Variants in OPRM1 observed in about 807,000 individuals in gnomAD.
OPRM1 encodes the protein mu-type opioid receptor.
Under a neutral mutation model 31.8 loss-of-function variants are expected in OPRM1, and 27 were observed. The ratio of observed to expected loss-of-function variants is 0.85; its 90% CI spans 0.63 to 1.17. OPRM1 has a LOEUF of 1.17. Ranked by LOEUF, OPRM1 falls within the 50% of genes most tolerant of loss-of-function variation. The pLI, the probability that OPRM1 is intolerant of heterozygous loss-of-function variation, is 0.00. For synonymous variants in OPRM1, 196 were observed against 189.9 expected, an observed-to-expected ratio of 1.03 and a Z score of -0.26; for missense variants, 536 against 511.1, an observed-to-expected ratio of 1.05 and a Z score of -0.47.
chr6:154,086,750 G>A (rs2128477496), intron 1 of OPRM1: 3 of 985,364 alleles, frequency 3.0e-6, no homozygotes, highest in Non-Finnish European at 3.6e-6. Context: ...TTAAAGATAA[G>A]CCACGAAATG....
At chr6:154,087,534 C>T (rs1264825932) in intron 1 of OPRM1, 1 of 985,382 alleles carries the variant, frequency 1.0e-6, no homozygotes, top group Non-Finnish European at 1.2e-6. Flanking sequence ...GGTCCATTTT[C>T]AGACAAGCTC....
At chr6:154,192,821 G>A (rs924629281) in intron 3 of OPRM1, among the ~76,000 whole-genome samples, 1 of 152,152 alleles carries the variant, frequency 6.6e-6, no homozygotes, top group Non-Finnish European at 1.5e-5. Flanking sequence ...AAACCATAAT[G>A]TGATACCACC....
At chr6:154,234,725 G>A (rs1418766279) in intron 3 of OPRM1, among the ~76,000 whole-genome samples, 1 of 152,200 alleles carries the variant, frequency 6.6e-6, no homozygotes, top group Non-Finnish European at 1.5e-5. Context: ...AAGAGGGAAA[G>A]GGCTCTGAAG....
intron 3 of OPRM1, among the ~76,000 whole-genome samples, chr6:154,094,612 G>T (rs1180289504): frequency 6.6e-6 from 1 of 152,158 alleles, no homozygotes; most frequent in Non-Finnish European, 1.5e-5. Flanking sequence ...GCTCCACATG[G>T]ACTCTTACCG....
chr6:154,053,218 G>C (rs550251832), intron 1 of OPRM1, among the ~76,000 whole-genome samples: 2 of 152,098 alleles, frequency 1.3e-5, no homozygotes, highest in Admixed American at 1.3e-4. Flanking sequence ...CAGTATTTTC[G>C]TCTTCAATCT....
At chr6:154,022,315 A>G (rs1778423260) in intron 1 of OPRM1, among the ~76,000 whole-genome samples, 1 of 151,990 alleles carries the variant, frequency 6.6e-6, no homozygotes, top group Non-Finnish European at 1.5e-5. Context: ...CCTCTGATGA[A>G]TCTCCTGTGA....
chr6:154,214,890 T>C (rs994669253), intron 3 of OPRM1, among the ~76,000 whole-genome samples: 7 of 152,136 alleles, frequency 4.6e-5, no homozygotes, highest in Admixed American at 1.3e-4. Flanking sequence ...ATAACAAAAA[T>C]AGAACGAGAC....
chr6:154,041,304 G>A (rs1780007819), intron 1 of OPRM1, among the ~76,000 whole-genome samples: 1 of 152,138 alleles, frequency 6.6e-6, no homozygotes, highest in African/African-American at 2.4e-5. Context: ...AAGGAAAAAT[G>A]CAAGAAGATC....
chr6:154,160,566 G>A lies in OPRM1; in HGVS notation c.1164+69094G>A, dbSNP rs137950689. On this transcript the variant is annotated intron_variant, in intron 3 of 3. Coordinates refer to the OPRM1 transcript ENST00000337049. ...AGATTATCTTTTCAGTCAAAGAAGA[G>A]GCTACTAACCTTCCATCAAAACAGT... Among the ~76,000 whole-genome samples, 7 of 152,194 alleles carry A rather than the reference G, an allele frequency of 4.6e-5. No homozygotes were observed. The East Asian group carries it at 9.6e-4, about 21-fold the overall frequency.
At chr6:154,244,301 G>GGTGTGTGTGTGTGTGTGTGTGGGTGT (rs1780850347) in intron 3 of OPRM1, among the ~76,000 whole-genome samples, 1 of 147,960 alleles carries the variant, frequency 6.8e-6, no homozygotes, top group East Asian at 2.0e-4. Context: ...TGTGTGGGTG[G>GGTGTGTGTGTGTGTGTGTGTGGGTGT]GTGTGTGTGT....
intron 1 of OPRM1, among the ~76,000 whole-genome samples, chr6:154,082,751 CA>C (rs1789462022): frequency 6.6e-6 from 1 of 152,094 alleles, no homozygotes; most frequent in South Asian, 2.1e-4. Context: ...AGAATAAAAG[CA>C]AAGCAGTATT....
At chr6:154,110,386 T>G (rs1419884781) in intron 3 of OPRM1, 1 of 1,504,856 alleles carries the variant, frequency 6.6e-7, no homozygotes, top group East Asian at 2.5e-5. Context: ...TCATCTTTAC[T>G]CAACTGTGAG....
At chr6:154,145,401 G>T (rs1250589039) in intron 3 of OPRM1, among the ~76,000 whole-genome samples, 1 of 152,196 alleles carries the variant, frequency 6.6e-6, no homozygotes, top group Non-Finnish European at 1.5e-5. Context: ...AATATACAAT[G>T]CCATTTACAA....
At chr6:154,219,737 G>A (rs1778701405) in intron 3 of OPRM1, among the ~76,000 whole-genome samples, 1 of 151,988 alleles carries the variant, frequency 6.6e-6, no homozygotes, top group East Asian at 1.9e-4. Context: ...GAAAACCAAG[G>A]GGATAAAAAA....
intron 1 of OPRM1, 111 bp downstream of exon 1, chr6:154,039,945 T>G: frequency 1.1e-6 from 1 of 933,310 alleles, no homozygotes; most frequent in Non-Finnish European, 1.6e-6. Context: ...AGAGGGGAGG[T>G]AAACTGGGGG....
rs1328756104 is a variant in OPRM1, at chr6:154,123,606, G to T, written c.*4885G>T. ...CAAGGGCTGCTGGTTGGCTATTTTT[G>T]TGGTTATTTCTTGATTATATGCTAA... On this transcript the variant is annotated 3_prime_UTR_variant, in exon 4 of 4. Coordinates refer to ENST00000330432, the MANE Select transcript of OPRM1 (RefSeq NM_000914.5). Among the ~76,000 whole-genome samples, 1 of 152,202 alleles carries T rather than the reference G, an allele frequency of 6.6e-6. No individual in the cohort carries two copies. The highest frequency in any genetic ancestry group is 1.9e-4 in the East Asian group (1 of 5,196).
chr6:154,223,148 T>G (rs554080607), intron 3 of OPRM1: 1 of 1,589,530 alleles, frequency 6.3e-7, no homozygotes, highest in Admixed American at 1.7e-5. Context: ...CAGAGTTTTG[T>G]GGAAGATGAG....
chr6:154,191,400 G>A (rs1025076146), intron 3 of OPRM1, among the ~76,000 whole-genome samples: 26 of 152,024 alleles, frequency 1.7e-4, no homozygotes, highest in Admixed American at 1.4e-3. Context: ...CATGCCAGGC[G>A]CGGTGGCTCA....
chr6:154,083,306 GCCAATAGAAA>G (rs1789602000), intron 1 of OPRM1, among the ~76,000 whole-genome samples: 1 of 152,110 alleles, frequency 6.6e-6, no homozygotes, highest in Non-Finnish European at 1.5e-5. Flanking sequence ...AAGAAGGCAG[GCCAATAGAAA>G]CCAAGAGAGA....
Sources: allele counts gnomAD v4.1 joint callset (sites outside exome capture counted in the v4.1 genomes callset), GRCh38; gene constraint gnomAD v4.1.1; transcripts MANE v1.5; gene names NCBI Gene and HGNC (gene_info 2026-07-23, HGNC 2026-07-21).